Variants in COL11A1 observed in about 807,000 individuals in gnomAD.
COL11A1 encodes the protein collagen alpha-1(XI) chain.
A neutral mutation model predicts 265.2 loss-of-function variants in COL11A1; 74 were observed. That is an observed-to-expected ratio of 0.28 (90% CI 0.23 to 0.34). The LOEUF (loss-of-function observed/expected upper bound fraction) is 0.34. Ranked by LOEUF, COL11A1 falls within the 10% of genes least tolerant of loss-of-function variation. COL11A1 has a pLI of 1.00. For synonymous variants in COL11A1, 816 were observed against 727.6 expected, an observed-to-expected ratio of 1.12 and a Z score of -1.96; for missense variants, 2,165 against 2,263.6, an observed-to-expected ratio of 0.96 and a Z score of 0.88.
chr1:102,893,925 C>T (rs960217038), intron 57 of COL11A1, among the ~76,000 whole-genome samples: 3 of 152,096 alleles, frequency 2.0e-5, no homozygotes, highest in Non-Finnish European at 4.4e-5. Flanking sequence ...CCCATCCTAT[C>T]TTTTAAGTTT....
At chr1:103,047,402 T>C (rs548272192) in intron 4 of COL11A1, among the ~76,000 whole-genome samples, 1 of 152,312 alleles carries the variant, frequency 6.6e-6, no homozygotes, top group African/African-American at 2.4e-5. Flanking sequence ...GATTTGGCTC[T>C]CTGTCTGTTA....
Position 102,886,939 on chromosome 1 carries a change from TTCCA to T in COL11A1, c.4722_4725del (p.Asp1574GlufsTer12). The T allele has an allele frequency of 3.7e-6, 6 of 1,613,918 alleles. No homozygotes were observed. The highest frequency in any genetic ancestry group is 4.2e-6 in the Non-Finnish European group (5 of 1,179,852). On this transcript the variant is annotated frameshift_variant, in exon 63 of 67. Transcript: ENST00000370096. LOFTEE classifies it high-confidence loss of function. The stretch of plus-strand genomic sequence containing the variant: ...TTGAGGGAACCAAATATTTCTTCCA[TTCCA>T]TCCGAGTAATCAAGAATATTATCAT...
At chr1:103,042,344 C>G (rs2102058195) in intron 4 of COL11A1, among the ~76,000 whole-genome samples, 1 of 152,150 alleles carries the variant, frequency 6.6e-6, no homozygotes, top group African/African-American at 2.4e-5. Context: ...ATAACTTTCA[C>G]CTGAGAAAAT....
chr1:103,100,900 C>T (rs1353413299), intron 1 of COL11A1, among the ~76,000 whole-genome samples: 1 of 151,874 alleles, frequency 6.6e-6, no homozygotes, highest in Non-Finnish European at 1.5e-5. Context: ...AGCTTACTTC[C>T]AGGAAAACTG....
intron 41 of COL11A1, among the ~76,000 whole-genome samples, chr1:102,950,701 ATAC>A (rs1472051092): frequency 6.6e-6 from 1 of 152,182 alleles, no homozygotes; most frequent in Non-Finnish European, 1.5e-5. Context: ...GTCTTTTCCT[ATAC>A]TACTAAAATT....
rs562154863 is a variant in COL11A1, at chr1:103,069,622, A to T, written c.651+4996T>A. Among the ~76,000 whole-genome samples the T allele has an allele frequency of 7.9e-5, 12 of 152,108 alleles. No homozygotes were observed. The East Asian group carries it at 2.3e-3, about 29-fold the overall frequency. On this transcript the variant is annotated intron_variant, in intron 4 of 66. Transcript: ENST00000370096. ...AGAAAACAAAAAAAAGGCAAGTCAC[A>T]TACTGGAAAAAATATTTGCAAACAT...
chr1:103,008,585 G>T, intron 14 of COL11A1, 69 bp from the exon 15 acceptor site: 3 of 1,188,826 alleles, frequency 2.5e-6, no homozygotes, highest in Non-Finnish European at 2.5e-6. Flanking sequence ...CCTGCCAATT[G>T]CACCTGAAAT....
At chr1:103,037,180 G>A (rs917799906) in intron 4 of COL11A1, among the ~76,000 whole-genome samples, 1 of 149,752 alleles carries the variant, frequency 6.7e-6, no homozygotes, top group Non-Finnish European at 1.5e-5. Flanking sequence ...AGGCATAGCT[G>A]TTTCAATTTT....
chr1:103,095,840 A>G (rs1433207411), intron 1 of COL11A1, among the ~76,000 whole-genome samples: 1 of 152,068 alleles, frequency 6.6e-6, no homozygotes, highest in African/African-American at 2.4e-5. Context: ...AAGTTATTTT[A>G]AACTCTGTAT....
intron 38 of COL11A1, among the ~76,000 whole-genome samples, chr1:102,964,141 A>G (rs1005603961): frequency 6.6e-6 from 1 of 152,352 alleles, no homozygotes; most frequent in East Asian, 1.9e-4. Context: ...AGATGACCAC[A>G]TTGAACAGAA....
intron 41 of COL11A1, among the ~76,000 whole-genome samples, chr1:102,958,424 C>T (rs2101541299): frequency 6.6e-6 from 1 of 152,006 alleles, no homozygotes; most frequent in East Asian, 1.9e-4. Flanking sequence ...TACTTCACAT[C>T]TAGAAAACCA....
chr1:103,050,433 C>T lies in COL11A1; in HGVS notation c.652-19189G>A, dbSNP rs747793914. The stretch of plus-strand genomic sequence containing the variant: ...CTGCATTCATCACGTAGTTCTCGTG[C>T]CTTGGTTTTCAGTTCCATCAGGTCC... On this transcript the variant is annotated intron_variant, in intron 4 of 66. Transcript: ENST00000370096. Among the ~76,000 whole-genome samples the T allele has an allele frequency of 6.6e-4, 100 of 152,300 alleles. No homozygotes were observed. The Middle Eastern group carries it at 0.014, about 21-fold the overall frequency.
intron 35 of COL11A1, 126 bp from the exon 36 acceptor site, chr1:102,975,009 A>C: frequency 1.3e-6 from 1 of 741,850 alleles, no homozygotes; most frequent in Non-Finnish European, 2.4e-6. Flanking sequence ...CAGTGACAGA[A>C]CTATGGTAAT....
At chr1:102,921,472 A>G in intron 48 of COL11A1, 46 bp downstream of exon 48, 4 of 1,414,912 alleles carry the variant, frequency 2.8e-6, no homozygotes, top group Non-Finnish European at 4.0e-6. Context: ...AAATAACAAT[A>G]CCTATATAAC....
intron 1 of COL11A1, among the ~76,000 whole-genome samples, chr1:103,103,827 G>T (rs1674485872): frequency 6.6e-6 from 1 of 151,892 alleles, no homozygotes; most frequent in Non-Finnish European, 1.5e-5. Context: ...TGAGCTAAAA[G>T]GTACTTACAT....
At chr1:102,932,735 G>A (rs1657627919) in intron 46 of COL11A1, among the ~76,000 whole-genome samples, 1 of 151,032 alleles carries the variant, frequency 6.6e-6, no homozygotes, top group African/African-American at 2.4e-5. Context: ...ACACCAATCA[G>A]ACGTAGATTT....
chr1:102,896,212 C>CAA (rs5776663), intron 57 of COL11A1, among the ~76,000 whole-genome samples: 3 of 143,312 alleles, frequency 2.1e-5, no homozygotes, highest in African/African-American at 2.6e-5. Context: ...AACTTAAAGC[C>CAA]AAAAAAAAAA....
Position 102,938,908 on chromosome 1 carries a change from G to T in COL11A1, c.3438+127C>A. On this transcript the variant is annotated intron_variant, in intron 44 of 66. Transcript: ENST00000370096. ...AATTATAGAATGATATAACTGCAGA[G>T]GTAATGTAGTATTGGTATTATAAGT... The T allele has an allele frequency of 3.9e-6, 3 of 777,196 alleles. 1 individual carries two copies. The highest frequency in any genetic ancestry group is 2.8e-5 in the South Asian group (2 of 70,234). The allele number at this position is 777,196 out of a possible 1,614,324, so 48.1% of individuals were successfully genotyped here. A position where few individuals can be genotyped will look rare whatever the true frequency, so the allele number is the denominator to read the frequency against.
At chr1:103,048,894 T>C (rs1292425437) in intron 4 of COL11A1, among the ~76,000 whole-genome samples, 1 of 152,208 alleles carries the variant, frequency 6.6e-6, no homozygotes, top group Non-Finnish European at 1.5e-5. Context: ...TCAGTTTCCA[T>C]GTAGTTGAGC....
Sources: gnomAD v4.1 joint callset for allele counts (sites outside exome capture counted in the v4.1 genomes callset) on GRCh38, gnomAD v4.1.1 for gene constraint, MANE v1.5 for transcripts, NCBI Gene and HGNC (gene_info 2026-07-23, HGNC 2026-07-21) for gene names.